The following VPS8 variants were observed in gnomAD, a reference collection of about 807,000 sequenced individuals.
VPS8 encodes the protein VPS8 subunit of CORVET complex, also known as vacuolar protein sorting-associated protein 8 homolog.
VPS8 carries 129 observed loss-of-function variants against 216.4 expected under a neutral mutation model. The observed-to-expected ratio is 0.60, with a 90% confidence interval of 0.52 to 0.69. The LOEUF (loss-of-function observed/expected upper bound fraction) is 0.69. Among genes scored for constraint, VPS8 ranks in the 30% least tolerant of loss-of-function variants. The probability of loss-of-function intolerance (pLI) is 0.00; values close to 1 mark genes in which losing one functional copy is unlikely to be tolerated. For missense variants in VPS8, 1,531 were observed against 1,683.5 expected (o/e 0.91, Z 1.59); for synonymous variants, 571 against 565.4 (o/e 1.01, Z -0.14).
At chr3:184,988,987 T>C (rs901153461) in intron 42 of VPS8, among the ~76,000 whole-genome samples, 1 of 152,244 alleles carries the variant, frequency 6.6e-6, no homozygotes, top group Non-Finnish European at 1.5e-5. Flanking sequence ...TATAATAACC[T>C]TGTATCCTGT....
At chr3:184,870,328 C>T (rs1043811372) in intron 20 of VPS8, among the ~76,000 whole-genome samples, 1 of 152,008 alleles carries the variant, frequency 6.6e-6, no homozygotes, top group South Asian at 2.1e-4. Context: ...AAATTATATT[C>T]CAAATTAGTA....
intron 35 of VPS8, among the ~76,000 whole-genome samples, chr3:184,938,404 T>G (rs969470668): frequency 1.3e-5 from 2 of 152,162 alleles, no homozygotes; most frequent in African/African-American, 4.8e-5. Flanking sequence ...AATTACAGAC[T>G]AGCTTGATTG....
chr3:184,812,958 C>T (rs1006930302), intron 1 of VPS8, among the ~76,000 whole-genome samples: 1 of 152,180 alleles, frequency 6.6e-6, no homozygotes, highest in East Asian at 1.9e-4. Flanking sequence ...AAGTTGTGCA[C>T]CAGAGTGAGG....
chr3:184,925,748 T>C (rs1379683860), intron 30 of VPS8, among the ~76,000 whole-genome samples: 1 of 151,728 alleles, frequency 6.6e-6, no homozygotes, highest in Non-Finnish European at 1.5e-5. Flanking sequence ...CACTGCCTTA[T>C]AGTTATGTTT....
At chr3:184,832,608 C>A in intron 3 of VPS8, 81 bp from the exon 4 acceptor site, 1 of 1,303,248 alleles carries the variant, frequency 7.7e-7, no homozygotes, top group Non-Finnish European at 1.0e-6. Flanking sequence ...CTTGTGTGCT[C>A]TGGAGAAACC....
At chr3:184,830,591 C>G (rs1719781861) in intron 3 of VPS8, among the ~76,000 whole-genome samples, 1 of 152,100 alleles carries the variant, frequency 6.6e-6, no homozygotes, top group African/African-American at 2.4e-5. Flanking sequence ...GACATCTTCA[C>G]TTCTTTTTTT....
intron 21 of VPS8, among the ~76,000 whole-genome samples, chr3:184,876,493 T>C (rs1043407825): frequency 2.9e-4 from 44 of 152,202 alleles, no homozygotes; most frequent in African/African-American, 1.0e-3. Context: ...CTAGGTGATA[T>C]AGGCACATGG....
At chr3:184,968,446 G>A (rs905145819) in intron 39 of VPS8, among the ~76,000 whole-genome samples, 2 of 152,152 alleles carry the variant, frequency 1.3e-5, no homozygotes, top group African/African-American at 2.4e-5. Context: ...ATTTTTTGAG[G>A]AATGGCCATA....
At chr3:184,932,194 A>G (rs1426057715) in intron 34 of VPS8, among the ~76,000 whole-genome samples, 2 of 152,170 alleles carry the variant, frequency 1.3e-5, no homozygotes, top group African/African-American at 2.4e-5. Flanking sequence ...AAAAGGCATC[A>G]TAATGAAGTT....
intron 14 of VPS8, among the ~76,000 whole-genome samples, chr3:184,858,660 C>G (rs948819186): frequency 1.3e-5 from 2 of 152,170 alleles, no homozygotes; most frequent in Admixed American, 6.5e-5. Context: ...GTGAAGCTTT[C>G]CTGGGCATTT....
chr3:185,003,316 G>A (rs1266511446), intron 45 of VPS8, among the ~76,000 whole-genome samples: 1 of 145,870 alleles, frequency 6.9e-6, no homozygotes, highest in African/African-American at 2.6e-5. Context: ...CGCAGTGTTT[G>A]TGTCCCTGGG....
At chr3:184,834,243 T>G (rs1397857485) in intron 4 of VPS8, among the ~76,000 whole-genome samples, 1 of 152,174 alleles carries the variant, frequency 6.6e-6, no homozygotes, top group Admixed American at 6.5e-5. Context: ...CCGCATTCCC[T>G]AAGGTGGGCA....
intron 45 of VPS8, among the ~76,000 whole-genome samples, chr3:185,016,734 A>AT (rs374850728): frequency 0.014 from 2,059 of 152,192 alleles, 22 homozygotes; most frequent in Middle Eastern, 0.068. Flanking sequence ...CATTTCCCTG[A>AT]TTTTTTCTTA....
intron 42 of VPS8, among the ~76,000 whole-genome samples, chr3:184,991,412 CT>C (rs1349685585): frequency 8.5e-5 from 13 of 152,226 alleles, no homozygotes; most frequent in African/African-American, 3.1e-4. Flanking sequence ...TTTGAGCTCC[CT>C]TTTGCATTCT....
At chr3:184,986,446 A>G (rs1458206265) in intron 42 of VPS8, among the ~76,000 whole-genome samples, 2 of 152,188 alleles carry the variant, frequency 1.3e-5, no homozygotes, top group Non-Finnish European at 2.9e-5. Context: ...TAGCAGAGGA[A>G]TGACTCAGAC....
intron 17 of VPS8, among the ~76,000 whole-genome samples, chr3:184,867,556 G>A (rs1727588755): frequency 2.0e-5 from 3 of 152,126 alleles, no homozygotes; most frequent in African/African-American, 7.2e-5. Context: ...TCTTTAATGT[G>A]AGTTCTAGGC....
intron 11 of VPS8, 51 bp downstream of exon 11, chr3:184,852,618 T>A (rs1353031979): frequency 6.4e-7 from 1 of 1,553,340 alleles, no homozygotes. Context: ...AGCTCTGTTT[T>A]AATGATTTGA....
chr3:185,002,864 G>A lies in VPS8; in HGVS notation c.4002+3003G>A, dbSNP rs550661693. On this transcript the variant is annotated intron_variant, in intron 45 of 47. Coordinates refer to ENST00000625842, the MANE Select transcript of VPS8 (RefSeq NM_001009921.3). ...GCACTCCTTGGTTGGTGGACATTTA[G>A]GTTGGTTCCACATCTTGCAGTTGCA... Among the ~76,000 whole-genome samples the A allele has an allele frequency of 3.3e-5, 5 of 152,286 alleles. No individual in the cohort carries two copies. In the South Asian group the frequency reaches 1.0e-3, roughly 32 times the overall value.
rs767122351 is a variant in VPS8, at chr3:184,924,976, G to T, written c.2569G>T (p.Asp857Tyr). ...CTTGTTTGTAAACAGAACACTTTTTGATCAGGTAAGTGTCTAGCAGTGAAA... is the reference window on the plus strand; with the variant it reads ...CTTGTTTGTAAACAGAACACTTTTTTATCAGGTAAGTGTCTAGCAGTGAAA... ...NTLFVNRTLF[D>Y]QVLEFLCSPD... Residue 857 changes from aspartate (D) to tyrosine (Y), a missense_variant, in exon 30 of 48, where the codon GAT becomes TAT. Physicochemically the swap from Asp to Tyr is radical, Grantham distance 160. Transcript: ENST00000625842. 2 of 1,613,376 alleles carry T rather than the reference G, an allele frequency of 1.2e-6. No individual in the cohort carries two copies. Among genetic ancestry groups the T allele is most frequent in the East Asian group, 2.2e-5 (1 of 44,822 alleles).
Sources: allele counts gnomAD v4.1 joint callset (sites outside exome capture counted in the v4.1 genomes callset), GRCh38; gene constraint gnomAD v4.1.1; transcripts MANE v1.5; gene names NCBI Gene and HGNC (gene_info 2026-07-23, HGNC 2026-07-21).